The following CD226 variants were observed in gnomAD, a reference collection of about 807,000 sequenced individuals.
CD226 encodes CD226 antigen.
A neutral mutation model predicts 34.9 loss-of-function variants in CD226; 24 were observed. The observed-to-expected ratio is 0.69, with a 90% CI of 0.50 to 0.97. The LOEUF is 0.97. Ranked by LOEUF, CD226 falls within the 50% of genes least tolerant of loss-of-function variation. CD226 has a pLI of 0.00. For synonymous variants in CD226, 148 were observed against 147.4 expected, an observed-to-expected ratio of 1.00 and a Z score of -0.03; for missense variants, 397 against 412.7, an observed-to-expected ratio of 0.96 and a Z score of 0.33.
chr18:69,952,109 T>A (rs1300141819), upstream of CD226, among the ~76,000 whole-genome samples: 2 of 152,104 alleles, frequency 1.3e-5, no homozygotes, highest in African/African-American at 4.8e-5. Context: ...AAGAATGAAA[T>A]CATGTCTTTT....
At chr18:69,904,121 T>TA (rs1476795163) in intron 2 of CD226, among the ~76,000 whole-genome samples, 2 of 151,960 alleles carry the variant, frequency 1.3e-5, no homozygotes, top group African/African-American at 4.8e-5. Context: ...AAGGCACAGA[T>TA]AAAGTGGGAA....
upstream of CD226, among the ~76,000 whole-genome samples, chr18:69,960,879 C>A (rs1402519086): frequency 6.6e-6 from 1 of 152,188 alleles, no homozygotes; most frequent in African/African-American, 2.4e-5. Flanking sequence ...AGAAAAATCT[C>A]AATTCAATTT....
upstream of CD226, among the ~76,000 whole-genome samples, chr18:69,952,095 TAA>T (rs1231952392): frequency 2.6e-5 from 4 of 152,158 alleles, no homozygotes; most frequent in Non-Finnish European, 5.9e-5. Context: ...TACACAGCCC[TAA>T]AAAGAATGAA....
chr18:69,928,784 T>C (rs369298400), intron 2 of CD226, among the ~76,000 whole-genome samples: 9 of 152,298 alleles, frequency 5.9e-5, no homozygotes, highest in Admixed American at 5.2e-4. Context: ...GATTTTTTGA[T>C]TTGGGATATT....
At chr18:69,909,741 T>C (rs574382870) in intron 2 of CD226, among the ~76,000 whole-genome samples, 12 of 152,352 alleles carry the variant, frequency 7.9e-5, no homozygotes, top group African/African-American at 2.6e-4. Flanking sequence ...TAATAATACA[T>C]GTATTCAGCA....
intron 1 of CD226, among the ~76,000 whole-genome samples, chr18:69,955,269 A>C (rs1428507863): frequency 1.3e-5 from 2 of 152,140 alleles, no homozygotes; most frequent in African/African-American, 2.4e-5. Context: ...GTTTCTGAGC[A>C]TTGGGAGGAG....
chr18:69,938,395 G>A (rs2055681401), intron 2 of CD226, among the ~76,000 whole-genome samples: 1 of 152,106 alleles, frequency 6.6e-6, no homozygotes, highest in African/African-American at 2.4e-5. Context: ...CACAAGCTAT[G>A]ACCTTAGACT....
chr18:69,879,140 C>T (rs1790967), intron 3 of CD226, among the ~76,000 whole-genome samples: 30,309 of 152,012 alleles, frequency 0.2, 3,715 homozygotes, highest in African/African-American at 0.34. Flanking sequence ...GGAGGCAGAG[C>T]GAGATCACAG....
intron 3 of CD226, among the ~76,000 whole-genome samples, chr18:69,893,503 T>C (rs1985026795): frequency 6.6e-6 from 1 of 152,252 alleles, no homozygotes; most frequent in Non-Finnish European, 1.5e-5. Context: ...CAAAATCTTA[T>C]ACGTGTTTGA....
chr18:69,936,523 T>C (rs978389680), intron 2 of CD226, among the ~76,000 whole-genome samples: 1 of 152,198 alleles, frequency 6.6e-6, no homozygotes, highest in African/African-American at 2.4e-5. Flanking sequence ...TTTAAGCCTT[T>C]AAAATGTTTC....
chr18:69,920,054 A>G (rs1166361754), intron 2 of CD226, among the ~76,000 whole-genome samples: 2 of 152,002 alleles, frequency 1.3e-5, no homozygotes, highest in Admixed American at 6.6e-5. Flanking sequence ...TTGTAGCAAC[A>G]GGGTTTTGCC....
At chr18:69,923,880 G>A (rs1227103382) in intron 2 of CD226, among the ~76,000 whole-genome samples, 13 of 150,956 alleles carry the variant, frequency 8.6e-5, no homozygotes, top group African/African-American at 9.8e-5. Context: ...CATGAACCCA[G>A]GAGGCGGAGC....
intron 2 of CD226, among the ~76,000 whole-genome samples, chr18:69,937,770 C>T (rs77644137): frequency 0.019 from 2,888 of 152,168 alleles, 54 homozygotes; most frequent in Non-Finnish European, 0.022. Flanking sequence ...AGATTATACC[C>T]CAGCATTAGA....
intron 4 of CD226, among the ~76,000 whole-genome samples, chr18:69,870,136 G>A (rs1049836003): frequency 1.6e-4 from 24 of 151,774 alleles, no homozygotes; most frequent in African/African-American, 5.6e-4. Context: ...AGAGAGCCCC[G>A]AAAACCAAGG....
At chr18:69,868,181 T>C (rs1201866048) in intron 4 of CD226, among the ~76,000 whole-genome samples, 1 of 152,218 alleles carries the variant, frequency 6.6e-6, no homozygotes, top group Non-Finnish European at 1.5e-5. Flanking sequence ...TGTAACTGAA[T>C]GCAAGAGCTG....
intron 4 of CD226, among the ~76,000 whole-genome samples, chr18:69,872,678 T>G (rs1983608411): frequency 6.6e-6 from 1 of 152,246 alleles, no homozygotes; most frequent in Admixed American, 6.5e-5. Context: ...AATATACAAC[T>G]ATTTGAAATT....
At chr18:69,907,719 C>T (rs2055273517) in intron 2 of CD226, among the ~76,000 whole-genome samples, 2 of 152,066 alleles carry the variant, frequency 1.3e-5, no homozygotes, top group South Asian at 4.1e-4. Context: ...GAGGGGATAA[C>T]GGTTAAGAGG....
chr18:69,926,652 A>T (rs1399089139), intron 2 of CD226, among the ~76,000 whole-genome samples: 1 of 152,232 alleles, frequency 6.6e-6, no homozygotes, highest in Non-Finnish European at 1.5e-5. Context: ...TCTTCAGGGA[A>T]CATGGAAAGG....
At chr18:69,868,404 T>G (rs77038151) in intron 4 of CD226, among the ~76,000 whole-genome samples, 7 of 152,224 alleles carry the variant, frequency 4.6e-5, no homozygotes, top group Non-Finnish European at 8.8e-5. Flanking sequence ...AGGGAAAGGT[T>G]ATGCAGGAAA....
Sources: allele counts gnomAD v4.1 joint callset (sites outside exome capture counted in the v4.1 genomes callset), GRCh38; gene constraint gnomAD v4.1.1; transcripts MANE v1.5; gene names NCBI Gene and HGNC (gene_info 2026-07-23, HGNC 2026-07-21).